Variants in GRIK4 observed in about 807,000 individuals in gnomAD.
GRIK4 encodes glutamate receptor ionotropic, kainate 4.
Under a neutral mutation model 104.9 loss-of-function variants are expected in GRIK4, and 40 were observed. The ratio of observed to expected loss-of-function variants is 0.38; its 90% confidence interval spans 0.30 to 0.50. The LOEUF is 0.50. Among genes scored for constraint, GRIK4 ranks in the 20% least tolerant of loss-of-function variants. GRIK4 has a pLI of 0.93. For synonymous variants in GRIK4, 485 were observed against 524.9 expected, an observed-to-expected ratio of 0.92 and a Z score of 1.04; for missense variants, 1,047 against 1,308.1, an observed-to-expected ratio of 0.80 and a Z score of 3.08.
intron 8 of GRIK4, among the ~76,000 whole-genome samples, chr11:120,844,441 T>G (rs1228467338): frequency 6.6e-6 from 1 of 152,212 alleles, no homozygotes; most frequent in Non-Finnish European, 1.5e-5. Flanking sequence ...CAAATCAGTC[T>G]TGTTCATCAC....
chr11:120,553,938 C>G (rs537605771), intron 1 of GRIK4, among the ~76,000 whole-genome samples: 3 of 152,234 alleles, frequency 2.0e-5, no homozygotes, highest in South Asian at 2.1e-4. Context: ...AACAGAGAAG[C>G]CTCCTGAGAC....
In GRIK4 at chr11:120,513,589, C is replaced by T. The variant is rs537392234; in HGVS notation, c.-159+1702C>T. Reference sequence around the variant, plus strand: ...TGTGTTCCTCAAGGTCACGACCCTTCGGAGAGTTAATCTAATATGCACACA... The same window carrying T: ...TGTGTTCCTCAAGGTCACGACCCTTTGGAGAGTTAATCTAATATGCACACA... On this transcript the variant is annotated intron_variant, in intron 1 of 20. Transcript: ENST00000527524. The surrounding 1 kb of genome is among the most constrained non-coding windows in gnomAD (Gnocchi z 4.5). 2.0e-5 allele frequency among the ~76,000 whole-genome samples: 3 copies of T among 152,196 alleles called. No homozygotes were observed. Among genetic ancestry groups the T allele is most frequent in the African/African-American group, 7.2e-5 (3 of 41,448 alleles).
intron 13 of GRIK4, among the ~76,000 whole-genome samples, chr11:120,937,411 T>G (rs982962025): frequency 2.6e-5 from 4 of 152,260 alleles, no homozygotes; most frequent in African/African-American, 9.6e-5. Flanking sequence ...TGATTGTTGC[T>G]GATACCCCAG....
At chr11:120,752,948 G>A (rs944258388) in intron 3 of GRIK4, among the ~76,000 whole-genome samples, 14 of 152,238 alleles carry the variant, frequency 9.2e-5, no homozygotes, top group Non-Finnish European at 1.8e-4. Flanking sequence ...GGCCTAGGCC[G>A]GAAGATGGCC....
intron 16 of GRIK4, among the ~76,000 whole-genome samples, chr11:120,959,171 C>G (rs1402101745): frequency 6.6e-6 from 1 of 152,202 alleles, no homozygotes; most frequent in Non-Finnish European, 1.5e-5. Context: ...GCAGAGCAGG[C>G]ATGATTATCC....
At chr11:120,805,178 G>A (rs1406379024) in intron 4 of GRIK4, among the ~76,000 whole-genome samples, 1 of 152,204 alleles carries the variant, frequency 6.6e-6, no homozygotes, top group Non-Finnish European at 1.5e-5. Flanking sequence ...AGAAATGCCA[G>A]CAACAACTCC....
intron 3 of GRIK4, among the ~76,000 whole-genome samples, chr11:120,680,482 G>A (rs58066373): frequency 0.091 from 13,792 of 152,208 alleles, 1,766 homozygotes; most frequent in African/African-American, 0.29. Flanking sequence ...CCCACATGGC[G>A]TGGTGACATG....
Position 120,745,195 on chromosome 11 carries a change from C to T in GRIK4, c.83-57498C>T, listed in dbSNP as rs373310935. On this transcript the variant is annotated intron_variant, in intron 3 of 20. Coordinates refer to ENST00000527524, the MANE Select transcript of GRIK4 (RefSeq NM_014619.5). ...ACAGTGGAGACAGAGGAGGTGACTC[C>T]GGCCAGAGTCCACTGGACATCTTCT... Among the ~76,000 whole-genome samples, 424 of 152,294 alleles carry T rather than the reference C, an allele frequency of 2.8e-3. 5 individuals carry two copies. Among genetic ancestry groups the T allele is most frequent in the African/African-American group, 9.7e-3 (402 of 41,558 alleles).
intron 1 of GRIK4, among the ~76,000 whole-genome samples, chr11:120,622,656 C>A (rs2135167572): frequency 6.6e-6 from 1 of 152,284 alleles, no homozygotes; most frequent in Non-Finnish European, 1.5e-5. Context: ...AGCCAAGTGG[C>A]TTAAAACAGC....
At chr11:120,796,955 G>A (rs184382716) in intron 3 of GRIK4, among the ~76,000 whole-genome samples, 233 of 152,150 alleles carry the variant, frequency 1.5e-3, no homozygotes, top group African/African-American at 5.4e-3. Context: ...AGTTTGGGGG[G>A]CGGAGAAGGG....
chr11:120,845,865 A>G (rs1013629305), intron 8 of GRIK4, among the ~76,000 whole-genome samples: 1 of 152,248 alleles, frequency 6.6e-6, no homozygotes, highest in Non-Finnish European at 1.5e-5. Flanking sequence ...TGCAACTAGA[A>G]AAAAGAGTGA....
intron 19 of GRIK4, among the ~76,000 whole-genome samples, chr11:120,971,370 TAAATGAAC>T (rs1944472724): frequency 6.6e-6 from 1 of 152,204 alleles, no homozygotes; most frequent in Non-Finnish European, 1.5e-5. Context: ...AATGAATAGA[TAAATGAAC>T]AAGTGAATGA....
intron 11 of GRIK4, among the ~76,000 whole-genome samples, chr11:120,883,824 A>G (rs1374142118): frequency 6.6e-6 from 1 of 152,196 alleles, no homozygotes; most frequent in Non-Finnish European, 1.5e-5. Context: ...GCCTGAGATC[A>G]GTCTGGGGAA....
At chr11:120,766,478 C>T (rs1192413351) in intron 3 of GRIK4, among the ~76,000 whole-genome samples, 1 of 152,194 alleles carries the variant, frequency 6.6e-6, no homozygotes, top group Non-Finnish European at 1.5e-5. Flanking sequence ...GTGTTGCTGG[C>T]ATTCCAGGCA....
Position 120,917,444 on chromosome 11 carries a change from G to A in GRIK4, c.1476+11951G>A, listed in dbSNP as rs578238455. On this transcript the variant is annotated intron_variant, in intron 13 of 20. Coordinates refer to ENST00000527524, the MANE Select transcript of GRIK4 (RefSeq NM_014619.5). ...TTCTGTCTCTGAAAGCTTACAGACCGGGCGGTAAAAGGCAAGGGGGGCACA... is the reference window on the plus strand; with the variant it reads ...TTCTGTCTCTGAAAGCTTACAGACCAGGCGGTAAAAGGCAAGGGGGGCACA... Among the ~76,000 whole-genome samples the A allele has an allele frequency of 3.7e-3, 563 of 152,162 alleles. 3 individuals carry two copies. The highest frequency in any genetic ancestry group is 0.013 in the African/African-American group (536 of 41,520).
intron 10 of GRIK4, among the ~76,000 whole-genome samples, chr11:120,874,881 T>G (rs967153898): frequency 3.3e-5 from 5 of 152,276 alleles, no homozygotes; most frequent in African/African-American, 1.2e-4. Flanking sequence ...GCACCATGAC[T>G]GGGTTGGTTT....
At chr11:120,670,813 G>A (rs1255335500) in intron 3 of GRIK4, among the ~76,000 whole-genome samples, 2 of 151,902 alleles carry the variant, frequency 1.3e-5, no homozygotes, top group Admixed American at 6.6e-5. Flanking sequence ...CCATCAATCC[G>A]CCATCTACAC....
chr11:120,664,490 T>C (rs1949871158), intron 3 of GRIK4, among the ~76,000 whole-genome samples: 1 of 152,196 alleles, frequency 6.6e-6, no homozygotes, highest in Non-Finnish European at 1.5e-5. Flanking sequence ...TCTCACCCAG[T>C]TTCATTGGAC....
rs1024384308 is a variant in GRIK4, at chr11:120,923,537, T to C, written c.1477-16810T>C. On this transcript the variant is annotated intron_variant, in intron 13 of 20. Coordinates refer to ENST00000527524, the MANE Select transcript of GRIK4 (RefSeq NM_014619.5). ...ACACCATTCTCCTGCCTCAGCCTCCTGAGTAGCTGGGACTACAGGCACCCA... is the reference window on the plus strand; with the variant it reads ...ACACCATTCTCCTGCCTCAGCCTCCCGAGTAGCTGGGACTACAGGCACCCA... Among the ~76,000 whole-genome samples, 16 of 149,026 alleles carry C rather than the reference T, an allele frequency of 1.1e-4. No individual in the cohort carries two copies. The East Asian group carries it at 1.3e-3, about 12-fold the overall frequency.
Sources: gnomAD v4.1 joint callset for allele counts (sites outside exome capture counted in the v4.1 genomes callset) on GRCh38, gnomAD v4.1.1 for gene constraint, Gnocchi (gnomAD v3.1) non-coding constraint, MANE v1.5 for transcripts, NCBI Gene and HGNC (gene_info 2026-07-23, HGNC 2026-07-21) for gene names.